The following ARHGAP26 variants were observed in gnomAD, a reference collection of about 807,000 sequenced individuals.
ARHGAP26 encodes the protein Rho GTPase activating protein 26.
In ARHGAP26, 38 loss-of-function variants were observed where a neutral mutation model predicts 104.8. That is an observed-to-expected ratio of 0.36 (90% CI 0.28 to 0.48). The LOEUF (loss-of-function observed/expected upper bound fraction) is 0.48. ARHGAP26 is among the 20% of genes least tolerant of loss of function. The pLI is 0.99. For synonymous variants in ARHGAP26, 341 were observed against 340.0 expected (o/e 1.00, Z -0.03); for missense variants, 704 against 947.9 (o/e 0.74, Z 3.38).
chr5:143,178,567 C>A (rs1022793201), intron 20 of ARHGAP26, among the ~76,000 whole-genome samples: 13 of 152,188 alleles, frequency 8.5e-5, no homozygotes, highest in African/African-American at 3.1e-4. Flanking sequence ...GCTGCCCTGC[C>A]CCTTGACTGG....
chr5:142,802,569 G>A (rs1762277130), intron 1 of ARHGAP26, among the ~76,000 whole-genome samples: 1 of 152,206 alleles, frequency 6.6e-6, no homozygotes, highest in South Asian at 2.1e-4. Context: ...CAGTTTCCAA[G>A]AACCTATCGA....
At chr5:142,898,152 G>GTA (rs764696345) in intron 6 of ARHGAP26, among the ~76,000 whole-genome samples, 60 of 131,808 alleles carry the variant, frequency 4.6e-4, no homozygotes, top group Non-Finnish European at 6.8e-4. Flanking sequence ...ATATATGTGT[G>GTA]TATATATATA....
chr5:143,114,881 G>A (rs971968112), intron 17 of ARHGAP26, among the ~76,000 whole-genome samples: 2 of 152,170 alleles, frequency 1.3e-5, no homozygotes, highest in Non-Finnish European at 2.9e-5. Context: ...TCTTTGTAGG[G>A]TGGTGGGCTT....
intron 11 of ARHGAP26, among the ~76,000 whole-genome samples, chr5:142,960,837 T>G (rs1770109634): frequency 6.6e-6 from 1 of 152,234 alleles, no homozygotes; most frequent in Non-Finnish European, 1.5e-5. Flanking sequence ...ATTTCCCACC[T>G]TGGGACTTTT....
chr5:142,990,896 G>T (rs1458916418), intron 11 of ARHGAP26, among the ~76,000 whole-genome samples: 1 of 152,198 alleles, frequency 6.6e-6, no homozygotes, highest in Non-Finnish European at 1.5e-5. Context: ...TCCCAGTTAG[G>T]CTACTCGGGG....
chr5:143,085,649 C>G (rs1416029194), intron 17 of ARHGAP26, among the ~76,000 whole-genome samples: 1 of 152,162 alleles, frequency 6.6e-6, no homozygotes, highest in African/African-American at 2.4e-5. Flanking sequence ...TGTCCCTGTC[C>G]CAGACTTTGA....
chr5:143,033,962 T>G (rs926601753), intron 12 of ARHGAP26, among the ~76,000 whole-genome samples: 3 of 152,232 alleles, frequency 2.0e-5, no homozygotes, highest in African/African-American at 7.2e-5. Context: ...TTGTGACTAC[T>G]GTATAAAGGA....
intron 20 of ARHGAP26, among the ~76,000 whole-genome samples, chr5:143,148,933 C>T (rs912689625): frequency 1.3e-5 from 2 of 152,128 alleles, no homozygotes; most frequent in Admixed American, 1.3e-4. Flanking sequence ...AACTAGTGGT[C>T]TGTAATTTTC....
intron 1 of ARHGAP26, among the ~76,000 whole-genome samples, chr5:142,780,218 T>C (rs1191947310): frequency 1.3e-5 from 2 of 151,280 alleles, no homozygotes; most frequent in Non-Finnish European, 3.0e-5. Context: ...TATTCTATTG[T>C]ATGAATTAAA....
intron 1 of ARHGAP26, among the ~76,000 whole-genome samples, chr5:142,813,879 A>G (rs542179340): frequency 6.6e-6 from 1 of 152,372 alleles, no homozygotes; most frequent in South Asian, 2.1e-4. Flanking sequence ...ATGCAGTTCC[A>G]AAATACACTC....
chr5:142,781,239 T>A (rs1456273898), intron 1 of ARHGAP26, among the ~76,000 whole-genome samples: 1 of 152,214 alleles, frequency 6.6e-6, no homozygotes, highest in Non-Finnish European at 1.5e-5. Flanking sequence ...GGTACCTCTG[T>A]TATTTTTGCC....
chr5:142,991,515 C>T (rs1348475178), intron 11 of ARHGAP26, among the ~76,000 whole-genome samples: 3 of 152,242 alleles, frequency 2.0e-5, no homozygotes, highest in South Asian at 2.1e-4. Context: ...CTGGAAATGC[C>T]GAAATCACCT....
chr5:143,041,779 GTGCCTCTAATTAAATCATCACTGTT>G lies in ARHGAP26; in HGVS notation c.1211-35_1211-11del, dbSNP rs1783509192. ...GGATTGGCCTGACTTGTGTTCTGACGTGCCTCTAATTAAATCATCACTGTTTCTTTCCTCAGGGATCAACGAGCAA... is the reference window on the plus strand; with the variant it reads ...GGATTGGCCTGACTTGTGTTCTGACGTCTTTCCTCAGGGATCAACGAGCAA... On this transcript the variant is annotated splice_polypyrimidine_tract_variant and intron_variant, in intron 13 of 22. Coordinates refer to ENST00000645722, the MANE Select transcript of ARHGAP26 (RefSeq NM_001135608.3). The G allele has an allele frequency of 6.6e-7, 1 of 1,511,658 alleles. No individual in the cohort carries two copies. The highest frequency in any genetic ancestry group is 1.4e-5 in the African/African-American group (1 of 72,638). The allele number at this position is 1,511,658 out of a possible 1,614,324, so 93.6% of individuals were successfully genotyped here.
At chr5:142,834,524 A>T (rs1415831179) in intron 1 of ARHGAP26, among the ~76,000 whole-genome samples, 1 of 152,202 alleles carries the variant, frequency 6.6e-6, no homozygotes, top group Non-Finnish European at 1.5e-5. Context: ...AATAGTGTTT[A>T]TTTCTTGTGA....
At chr5:143,168,094 T>C (rs201654888) in intron 20 of ARHGAP26, among the ~76,000 whole-genome samples, 2 of 152,326 alleles carry the variant, frequency 1.3e-5, no homozygotes, top group Non-Finnish European at 2.9e-5. Context: ...CACTTGAACA[T>C]GCATCTTGAG....
intron 5 of ARHGAP26, among the ~76,000 whole-genome samples, chr5:142,890,520 G>A (rs1397399164): frequency 6.6e-6 from 1 of 151,838 alleles, no homozygotes; most frequent in Non-Finnish European, 1.5e-5. Flanking sequence ...AGAAGTCCTT[G>A]AAGGGGACCA....
chr5:143,181,606 G>A (rs945441035), intron 20 of ARHGAP26, among the ~76,000 whole-genome samples: 6 of 152,204 alleles, frequency 3.9e-5, no homozygotes, highest in African/African-American at 1.4e-4. Context: ...TCAGTGCCAA[G>A]CACAGTGGCT....
chr5:143,026,570 A>C (rs73799515), intron 12 of ARHGAP26, among the ~76,000 whole-genome samples: 8,674 of 152,134 alleles, frequency 0.057, 851 homozygotes, highest in African/African-American at 0.2. Flanking sequence ...GACGTGAGCT[A>C]CTTGTGTTCT....
At chr5:143,045,407 C>T (rs996086871) in intron 14 of ARHGAP26, among the ~76,000 whole-genome samples, 4 of 145,272 alleles carry the variant, frequency 2.8e-5, no homozygotes, top group East Asian at 4.0e-4. Flanking sequence ...CTCTCAATTA[C>T]GGAATCACCA....
Sources: allele counts gnomAD v4.1 joint callset (sites outside exome capture counted in the v4.1 genomes callset), GRCh38; gene constraint gnomAD v4.1.1; transcripts MANE v1.5; gene names NCBI Gene and HGNC (gene_info 2026-07-23, HGNC 2026-07-21).